COPRS: variants seen among roughly 807,000 people sequenced by gnomAD.
COPRS encodes cooperator of PRMT5.
A neutral mutation model predicts 19.9 loss-of-function variants in COPRS; 11 were observed. That is an observed-to-expected ratio of 0.55 (90% CI 0.35 to 0.92). The LOEUF is 0.92. Among genes scored for constraint, COPRS ranks in the 40% least tolerant of loss-of-function variants. The pLI is 0.01. For missense variants in COPRS, 225 were observed against 229.9 expected, an observed-to-expected ratio of 0.98 and a Z score of 0.14; for synonymous variants, 81 against 82.7, an observed-to-expected ratio of 0.98 and a Z score of 0.11.
At chr17:31,852,334 T>A in intron 3 of COPRS, 26 bp from the exon 4 acceptor site, 1 of 1,577,762 alleles carries the variant, frequency 6.3e-7, no homozygotes, top group East Asian at 2.2e-5. Context: ...AAAGACAGAT[T>A]AAGGGAAGGA....
At chr17:31,855,032 C>T (rs534067403) in intron 2 of COPRS, among the ~76,000 whole-genome samples, 3 of 152,246 alleles carry the variant, frequency 2.0e-5, no homozygotes, top group South Asian at 2.1e-4. Flanking sequence ...CTGTTCTGTG[C>T]CTCAACTTCC....
At chr17:31,855,237 A>G (rs549192902) in intron 2 of COPRS, among the ~76,000 whole-genome samples, 1 of 151,864 alleles carries the variant, frequency 6.6e-6, no homozygotes, top group Admixed American at 6.6e-5. Flanking sequence ...TTAGGCCGGG[A>G]GCAGTGGCTC....
chr17:31,852,998 G>C lies in COPRS; in HGVS notation c.199C>G (p.Pro67Ala). The C allele has an allele frequency of 6.2e-7, 1 of 1,614,034 alleles. No individual in the cohort carries two copies. Among genetic ancestry groups the C allele is most frequent in the South Asian group, 1.1e-5 (1 of 91,080 alleles). The change falls in exon 3 of 4, where the codon CCT (proline) becomes GCT (alanine). Residue 67 changes from proline to alanine, a missense_variant. Transcript: ENST00000302362. The part of the protein sequence containing the change: ...RGTQSIPNDS[P>A]ARGEGTHSEE... ...GAATGGGTGCCCTCACCCCGGGCAG[G>C]ACTGTCATTAGGAATGCTCTGTGTT... is the stretch of plus-strand genomic sequence containing the variant.
At chr17:31,856,909 G>A (rs1159349493) in intron 1 of COPRS, 44 bp from the exon 2 acceptor site, 4 of 1,176,434 alleles carry the variant, frequency 3.4e-6, no homozygotes, top group Non-Finnish European at 3.8e-6. Flanking sequence ...GGTATCTGGG[G>A]TATGCCCAGT....
In COPRS at chr17:31,859,208, G is replaced by A. The variant is rs1909461803; in HGVS notation, c.-9C>T. ...GCGGCCTGAAGGTCCATGCCCTGCG[G>A]CCCGCGGCTGGTCGCCCTGGACGCC... On this transcript the variant is annotated 5_prime_UTR_variant, in exon 1 of 4. Coordinates refer to ENST00000302362, the MANE Select transcript of COPRS (RefSeq NM_018405.4). The A allele has an allele frequency of 1.9e-5, 20 of 1,040,876 alleles. No individual in the cohort carries two copies. Among genetic ancestry groups the A allele is most frequent in the Non-Finnish European group, 2.2e-5 (19 of 863,194 alleles). 64.5% of individuals were successfully genotyped at this position (1,040,876 alleles called of 1,614,324 possible).
intron 2 of COPRS, among the ~76,000 whole-genome samples, chr17:31,855,736 C>T (rs1262709586): frequency 6.6e-6 from 1 of 151,672 alleles, no homozygotes; most frequent in African/African-American, 2.4e-5. Flanking sequence ...TAGCTCACAC[C>T]TGTAATCCCA....
At position 31,852,892 on chromosome 17, in the gene COPRS, C is replaced by T. The variant is rs761830570; in HGVS notation, c.305G>A (p.Cys102Tyr). The T allele has an allele frequency of 9.3e-6, 15 of 1,614,032 alleles. No individual in the cohort carries two copies. The highest frequency in any genetic ancestry group is 1.3e-5 in the Non-Finnish European group (15 of 1,179,992). Residue 102 changes from cysteine to tyrosine, a missense_variant, in exon 3 of 4, where the codon TGT becomes TAT. Around this residue, in one of 3 missense-constraint regions of COPRS, gnomAD observed 170 missense variants for 171.4 expected, o/e 0.99. Coordinates refer to ENST00000302362, the MANE Select transcript of COPRS (RefSeq NM_018405.4). ...ATCGCCAGGCTGTTCCTTGGGTGGA[C>T]AGTTTGTCCCTTCTGACAGCTCCCA... The part of the protein sequence containing the change: ...NTWELSEGTN[C>Y]PPKEQPGDLF...
At position 31,852,059 on chromosome 17, in the gene COPRS, A is replaced by G. The variant is rs1378875197; in HGVS notation, c.*80T>C. The G allele has an allele frequency of 2.6e-6, 4 of 1,553,914 alleles. No homozygotes were observed. Among genetic ancestry groups the G allele is most frequent in the Non-Finnish European group, 3.5e-6 (4 of 1,131,362 alleles). ...GGGGTCACTGCAAACATTTTCTCAGATATGACTTTTCACCTCCAAGACAGG... is the reference window on the plus strand; with the variant it reads ...GGGGTCACTGCAAACATTTTCTCAGGTATGACTTTTCACCTCCAAGACAGG... On this transcript the variant is annotated 3_prime_UTR_variant, in exon 4 of 4. Transcript: ENST00000302362.
intron 2 of COPRS, among the ~76,000 whole-genome samples, chr17:31,853,262 T>A (rs1209643689): frequency 6.6e-6 from 1 of 152,198 alleles, no homozygotes; most frequent in Non-Finnish European, 1.5e-5. Context: ...GTCAGGTCCT[T>A]TAATTTACAA....
chr17:31,856,466 T>G, intron 2 of COPRS: 1 of 339,774 alleles, frequency 2.9e-6, no homozygotes. Flanking sequence ...AAATAGTATA[T>G]ATAGGAGGAA....
At chr17:31,857,382 G>A (rs1224916064) in intron 1 of COPRS, among the ~76,000 whole-genome samples, 1 of 152,138 alleles carries the variant, frequency 6.6e-6, no homozygotes, top group Non-Finnish European at 1.5e-5. Context: ...CCACCCCCAG[G>A]TACACGTTTT....
intron 1 of COPRS, among the ~76,000 whole-genome samples, chr17:31,857,192 G>A (rs1021014824): frequency 6.6e-6 from 1 of 152,122 alleles, no homozygotes; most frequent in African/African-American, 2.4e-5. Flanking sequence ...CTCTTTAGAG[G>A]TCTGGGTCTC....
chr17:31,856,839 G>A lies in COPRS; in HGVS notation c.126C>T (p.Ser42=), dbSNP rs138963047. 165 of 1,606,158 alleles carry A rather than the reference G, an allele frequency of 1.0e-4. 1 individual carries two copies. In the African/African-American group the frequency reaches 1.5e-3, roughly 14 times the overall value. ...PEAGFATADH[S]SQERETEKAM... The stretch of plus-strand genomic sequence containing the variant: ...CCTTCTCAGTCTCTCTCTCCTGACT[G>A]GAGTGGTCAGCTGTAGCAAAGCCAG... The change falls in exon 2 of 4, where the codon TCC becomes TCT. Residue 42 remains serine, a synonymous_variant. Coordinates refer to ENST00000302362, the MANE Select transcript of COPRS (RefSeq NM_018405.4).
At position 31,852,152 on chromosome 17, in the gene COPRS, T is replaced by C; in HGVS notation, c.542A>G (p.Asp181Gly). 1 of 1,614,136 alleles carries C rather than the reference T, an allele frequency of 6.2e-7. No individual in the cohort carries two copies. The highest frequency in any genetic ancestry group is 8.5e-7 in the Non-Finnish European group (1 of 1,180,008). The change falls in exon 4 of 4, where the codon GAT becomes GGT. Residue 181 changes from aspartate (D) to glycine (G), a missense_variant. Physicochemically the swap from Asp to Gly is moderately conservative, Grantham distance 94. Around this residue, in one of 3 missense-constraint regions of COPRS, gnomAD observed 170 missense variants for 171.4 expected, o/e 0.99. Transcript: ENST00000302362. ...KMVFETGQFD[D>G]AED ...AAAGCTCCACACTCAATCTTCAGCA[T>C]CGTCAAACTGTCCTGTTTCAAAGAC...
At chr17:31,858,390 T>C (rs1909426387) in intron 1 of COPRS, 4 of 985,458 alleles carry the variant, frequency 4.1e-6, no homozygotes, top group Non-Finnish European at 4.8e-6. Context: ...AGTACCATCT[T>C]TGAGGCATCA....
At chr17:31,852,343 G>C in intron 3 of COPRS, 35 bp from the exon 4 acceptor site, 1 of 1,545,054 alleles carries the variant, frequency 6.5e-7, no homozygotes, top group South Asian at 1.2e-5. Context: ...TTAAGGGAAG[G>C]AAGGAGGGAA....
chr17:31,854,951 C>T (rs566703498), intron 2 of COPRS, among the ~76,000 whole-genome samples: 4 of 152,272 alleles, frequency 2.6e-5, no homozygotes, highest in South Asian at 4.1e-4. Context: ...GAATTATATG[C>T]GTTAAAATGG....
chr17:31,855,794 G>A (rs1236626598), intron 2 of COPRS, among the ~76,000 whole-genome samples: 1 of 152,028 alleles, frequency 6.6e-6, no homozygotes, highest in Non-Finnish European at 1.5e-5. Context: ...TCAGGAGTTC[G>A]AGACCAGCCT....
chr17:31,858,966 G>T (rs1274441714), intron 1 of COPRS, 135 bp downstream of exon 1: 4 of 1,376,572 alleles, frequency 2.9e-6, no homozygotes, highest in Non-Finnish European at 3.7e-6. Context: ...CCCAAACAGC[G>T]CTCCGTGTCG....
Sources: gnomAD v4.1 joint callset for allele counts (sites outside exome capture counted in the v4.1 genomes callset) on GRCh38, gnomAD v4.1.1 for gene constraint, gnomAD v4.1.1 regional missense constraint, MANE v1.5 for transcripts, NCBI Gene and HGNC (gene_info 2026-07-23, HGNC 2026-07-21) for gene names.